DTD1: variants seen among roughly 807,000 people sequenced by gnomAD.
The protein encoded by DTD1 is D-aminoacyl-tRNA deacylase 1.
DTD1 carries 13 observed loss-of-function variants against 25.6 expected under a neutral mutation model. That is an observed-to-expected ratio of 0.51 (90% CI 0.33 to 0.81). DTD1 has a LOEUF of 0.81. Among genes scored for constraint, DTD1 ranks in the 30% least tolerant of loss-of-function variants. The pLI is 0.02. For missense variants in DTD1, 193 were observed against 266.4 expected (o/e 0.72, Z 1.92); for synonymous variants, 110 against 103.6 (o/e 1.06, Z -0.37).
At chr20:18,697,198 C>G (rs897644952) in intron 4 of DTD1, among the ~76,000 whole-genome samples, 2 of 150,902 alleles carry the variant, frequency 1.3e-5, no homozygotes, top group African/African-American at 2.4e-5. Context: ...CGCCACTGCA[C>G]TCCAGTCTGG....
chr20:18,709,294 T>C (rs1042131604), intron 4 of DTD1, among the ~76,000 whole-genome samples: 11 of 152,144 alleles, frequency 7.2e-5, no homozygotes, highest in African/African-American at 2.4e-4. Flanking sequence ...TTTATGTAAA[T>C]CAATGTGGTA....
chr20:18,672,706 G>A (rs1390399833), intron 4 of DTD1, among the ~76,000 whole-genome samples: 1 of 152,122 alleles, frequency 6.6e-6, no homozygotes, highest in Non-Finnish European at 1.5e-5. Context: ...TCAGAGTTTG[G>A]ATAGATAGGG....
chr20:18,678,348 C>T (rs1439567628), intron 4 of DTD1, among the ~76,000 whole-genome samples: 1 of 152,180 alleles, frequency 6.6e-6, no homozygotes, highest in African/African-American at 2.4e-5. Context: ...ACTGTTAACA[C>T]CTCCACTGGT....
intron 4 of DTD1, among the ~76,000 whole-genome samples, chr20:18,644,850 A>G (rs1014628068): frequency 2.0e-5 from 3 of 152,164 alleles, no homozygotes; most frequent in African/African-American, 4.8e-5. Context: ...ACTTTATTCA[A>G]CCGTGGCGTA....
intron 4 of DTD1, among the ~76,000 whole-genome samples, chr20:18,651,401 T>C (rs2060873579): frequency 6.6e-6 from 1 of 152,256 alleles, no homozygotes; most frequent in African/African-American, 2.4e-5. Flanking sequence ...TCTGCCCGTC[T>C]CCGCCTCCCA....
chr20:18,707,697 T>C (rs7271952), intron 4 of DTD1, among the ~76,000 whole-genome samples: 52,816 of 151,970 alleles, frequency 0.35, 9,509 homozygotes, highest in Non-Finnish European at 0.4. Flanking sequence ...CTGGTTCTTT[T>C]CTCTCTGGAC....
At chr20:18,669,164 G>T (rs893070351) in intron 4 of DTD1, among the ~76,000 whole-genome samples, 1 of 152,178 alleles carries the variant, frequency 6.6e-6, no homozygotes, top group Non-Finnish European at 1.5e-5. Flanking sequence ...GGACCAGGGG[G>T]TAGTGAGGTG....
At chr20:18,675,842 A>G (rs1210377) in intron 4 of DTD1, among the ~76,000 whole-genome samples, 2,279 of 14,330 alleles carry the variant, frequency 0.16, 8 homozygotes, top group Middle Eastern at 0.25. Flanking sequence ...ACCTATGTGT[A>G]TATTTACACA....
At chr20:18,627,040 A>G (rs1229316162) in intron 3 of DTD1, among the ~76,000 whole-genome samples, 1 of 152,242 alleles carries the variant, frequency 6.6e-6, no homozygotes, top group Non-Finnish European at 1.5e-5. Flanking sequence ...TTGAACGGCC[A>G]CTTTAATCTG....
At chr20:18,645,639 A>G (rs2060847375) in intron 4 of DTD1, among the ~76,000 whole-genome samples, 2 of 152,262 alleles carry the variant, frequency 1.3e-5, no homozygotes, top group Admixed American at 1.3e-4. Flanking sequence ...CATTTACACT[A>G]CATTGGAATC....
intron 4 of DTD1, among the ~76,000 whole-genome samples, chr20:18,724,962 A>G (rs1187070255): frequency 6.6e-6 from 1 of 152,206 alleles, no homozygotes; most frequent in Non-Finnish European, 1.5e-5. Flanking sequence ...AAGCCCCTAC[A>G]TGGGGCTCAG....
chr20:18,657,762 G>T (rs1166782746), intron 4 of DTD1, among the ~76,000 whole-genome samples: 1 of 152,202 alleles, frequency 6.6e-6, no homozygotes, highest in Non-Finnish European at 1.5e-5. Flanking sequence ...AGGAATTCAG[G>T]AGAGGCTTTC....
chr20:18,599,721 G>A (rs1293698566), intron 3 of DTD1, among the ~76,000 whole-genome samples: 1 of 152,088 alleles, frequency 6.6e-6, no homozygotes, highest in Non-Finnish European at 1.5e-5. Flanking sequence ...ATTCTAATAG[G>A]TATGTAGAGG....
At chr20:18,649,378 G>A (rs1436357974) in intron 4 of DTD1, among the ~76,000 whole-genome samples, 15 of 107,436 alleles carry the variant, frequency 1.4e-4, no homozygotes, top group Admixed American at 7.1e-4. Context: ...TTGCTCTGTC[G>A]CCCAGGATGG....
chr20:18,740,045 A>G (rs1322254901), intron 4 of DTD1, among the ~76,000 whole-genome samples: 1 of 151,952 alleles, frequency 6.6e-6, no homozygotes, highest in African/African-American at 2.4e-5. Flanking sequence ...TTGGAGGGGA[A>G]GGTCAGATGG....
At chr20:18,588,435 A>T (rs1048090672) in intron 1 of DTD1, among the ~76,000 whole-genome samples, 7 of 152,146 alleles carry the variant, frequency 4.6e-5, no homozygotes, top group Admixed American at 6.5e-5. Flanking sequence ...GCCTCGGAGC[A>T]TCTCCGTGGT....
chr20:18,640,924 C>G (rs1181449686), intron 4 of DTD1, among the ~76,000 whole-genome samples: 1 of 152,164 alleles, frequency 6.6e-6, no homozygotes, highest in Admixed American at 6.5e-5. Flanking sequence ...AGCCACTGCT[C>G]CCAGCCTATC....
intron 4 of DTD1, among the ~76,000 whole-genome samples, chr20:18,712,184 C>T (rs1040749956): frequency 2.6e-5 from 4 of 152,160 alleles, no homozygotes; most frequent in South Asian, 2.1e-4. Context: ...CATACTGTTA[C>T]CAGTGTTTCA....
At chr20:18,748,280 C>G (rs2122526672) in intron 5 of DTD1, among the ~76,000 whole-genome samples, 1 of 152,220 alleles carries the variant, frequency 6.6e-6, no homozygotes, top group African/African-American at 2.4e-5. Context: ...CTGATTCCTT[C>G]CTGGGTTGTA....
Sources: allele counts gnomAD v4.1 joint callset (sites outside exome capture counted in the v4.1 genomes callset), GRCh38; gene constraint gnomAD v4.1.1; transcripts MANE v1.5; gene names NCBI Gene and HGNC (gene_info 2026-07-23, HGNC 2026-07-21).